ITGAV: variants seen among roughly 807,000 people sequenced by gnomAD.
ITGAV encodes the protein integrin subunit alpha V, also known as integrin alpha-V.
ITGAV carries 76 observed loss-of-function variants against 143.8 expected under a neutral mutation model. The observed-to-expected ratio is 0.53, with a 90% CI of 0.44 to 0.64. ITGAV has a LOEUF of 0.64. ITGAV is among the 30% of genes least tolerant of loss of function. The pLI, the probability that ITGAV is intolerant of heterozygous loss-of-function variation, is 0.00. For missense variants in ITGAV, 1,193 were observed against 1,274.7 expected, an observed-to-expected ratio of 0.94 and a Z score of 0.98; for synonymous variants, 453 against 446.7, an observed-to-expected ratio of 1.01 and a Z score of -0.18.
chr2:186,659,343 T>G (rs1319036837), intron 18 of ITGAV, among the ~76,000 whole-genome samples, 168 bp downstream of exon 18: 2 of 152,030 alleles, frequency 1.3e-5, no homozygotes, highest in African/African-American at 4.8e-5. Context: ...GTTTTTATTT[T>G]TTTGGGAATC....
In ITGAV at chr2:186,590,371, C is replaced by G. The variant is rs755485403; in HGVS notation, c.33C>G (p.Leu11=). The G allele has an allele frequency of 1.3e-6, 2 of 1,591,538 alleles. No homozygotes were observed. Among genetic ancestry groups the G allele is most frequent in the Non-Finnish European group, 8.5e-7 (1 of 1,170,882 alleles). ...TTCCGCCGCGGCGACGGCTGCGCCT[C>G]GGTCCCCGCGGCCTCCCGCTTCTTC... is the stretch of plus-strand genomic sequence containing the variant. The part of the protein sequence containing the change: MAFPPRRRLR[L]GPRGLPLLLS... Residue 11 remains leucine (L), a synonymous_variant, in exon 1 of 30, where the codon CTC becomes CTG. Coordinates refer to ENST00000261023, the MANE Select transcript of ITGAV (RefSeq NM_002210.5).
chr2:186,644,393 T>A (rs538647191), intron 12 of ITGAV, among the ~76,000 whole-genome samples: 1 of 152,004 alleles, frequency 6.6e-6, no homozygotes, highest in Non-Finnish European at 1.5e-5. Context: ...TGGCACGATA[T>A]CGGCTCACTG....
At chr2:186,663,349 G>A (rs1378939358) in intron 18 of ITGAV, among the ~76,000 whole-genome samples, 1 of 152,064 alleles carries the variant, frequency 6.6e-6, no homozygotes, top group African/African-American at 2.4e-5. Context: ...ATTGGTAGAG[G>A]CACAGTCCAT....
rs1211954188 is a variant in ITGAV, at chr2:186,680,728, C to T, written c.*3436C>T. ...ATCAAATTAATTTGCTACCTAATAACATAGAAAGTAAATATCTTTGTGGTC... is the reference window on the plus strand; with the variant it reads ...ATCAAATTAATTTGCTACCTAATAATATAGAAAGTAAATATCTTTGTGGTC... On this transcript the variant is annotated 3_prime_UTR_variant, in exon 30 of 30. Coordinates refer to ENST00000261023, the MANE Select transcript of ITGAV (RefSeq NM_002210.5). 2 of 152,550 alleles carry T rather than the reference C, an allele frequency of 1.3e-5. No homozygotes were observed. Among genetic ancestry groups the T allele is most frequent in the Admixed American group, 1.3e-4 (2 of 15,268 alleles). 9.4% of individuals were successfully genotyped at this position (152,550 alleles called of 1,614,324 possible). A position where few individuals can be genotyped will look rare whatever the true frequency, so the allele number is the denominator to read the frequency against.
intron 24 of ITGAV, 176 bp from the exon 25 acceptor site, chr2:186,668,586 A>T (rs1688978651): frequency 3.4e-6 from 2 of 583,904 alleles, no homozygotes; most frequent in African/African-American, 3.8e-5. Flanking sequence ...TTAGAGACAA[A>T]TGTTGAGTTT....
At chr2:186,667,842 T>A in intron 24 of ITGAV, 66 bp downstream of exon 24, 1 of 911,006 alleles carries the variant, frequency 1.1e-6, no homozygotes, top group Non-Finnish European at 1.6e-6. Flanking sequence ...ACAACTAAGC[T>A]ACTTTAAAAA....
At chr2:186,663,340 T>C (rs527329250) in intron 18 of ITGAV, among the ~76,000 whole-genome samples, 1 of 152,280 alleles carries the variant, frequency 6.6e-6, no homozygotes, top group South Asian at 2.1e-4. Flanking sequence ...TTTCCTGATA[T>C]TGGTAGAGGC....
intron 13 of ITGAV, among the ~76,000 whole-genome samples, chr2:186,649,014 G>GTA (rs1472067548): frequency 2.2e-5 from 1 of 44,588 alleles, no homozygotes; most frequent in Non-Finnish European, 4.3e-5. Context: ...ACATTTGTGT[G>GTA]TATATATATA....
At chr2:186,608,422 A>C (rs769689591) in intron 2 of ITGAV, among the ~76,000 whole-genome samples, 5 of 152,200 alleles carry the variant, frequency 3.3e-5, no homozygotes, top group African/African-American at 7.2e-5. Flanking sequence ...AAAAAGAACA[A>C]ACCTCAGCTA....
chr2:186,637,933 G>C (rs1687992406), intron 8 of ITGAV, among the ~76,000 whole-genome samples: 2 of 151,970 alleles, frequency 1.3e-5, no homozygotes, highest in Non-Finnish European at 2.9e-5. Context: ...CCCCACTTCA[G>C]TTTGCTCTGT....
At chr2:186,636,911 T>C (rs1425783183) in intron 7 of ITGAV, among the ~76,000 whole-genome samples, 154 bp from the exon 8 acceptor site, 2 of 152,224 alleles carry the variant, frequency 1.3e-5, no homozygotes, top group Non-Finnish European at 2.9e-5. Flanking sequence ...AAAATTCATA[T>C]GTCATATATA....
intron 13 of ITGAV, among the ~76,000 whole-genome samples, chr2:186,649,438 A>C (rs891039691): frequency 2.0e-5 from 3 of 152,064 alleles, no homozygotes; most frequent in African/African-American, 7.2e-5. Context: ...GCTATCTGCT[A>C]TAGTATTTTA....
At chr2:186,642,005 A>G (rs991718760) in intron 12 of ITGAV, among the ~76,000 whole-genome samples, 1 of 152,152 alleles carries the variant, frequency 6.6e-6, no homozygotes, top group African/African-American at 2.4e-5. Flanking sequence ...CATACCTCAA[A>G]GGTATGATTT....
At chr2:186,606,455 A>G (rs1164188050) in intron 2 of ITGAV, among the ~76,000 whole-genome samples, 1 of 152,164 alleles carries the variant, frequency 6.6e-6, no homozygotes, top group African/African-American at 2.4e-5. Context: ...ATATAGGTGA[A>G]GACTTCTAAA....
chr2:186,592,723 T>C (rs1686647966), intron 1 of ITGAV, among the ~76,000 whole-genome samples: 1 of 152,174 alleles, frequency 6.6e-6, no homozygotes, highest in Admixed American at 6.5e-5. Context: ...ACTTCACTCA[T>C]AGACCTTTAA....
Position 186,590,271 on chromosome 2 carries a change from G to A in ITGAV, c.-68G>A. 5 of 1,318,728 alleles carry A rather than the reference G, an allele frequency of 3.8e-6. No individual in the cohort carries two copies. The highest frequency in any genetic ancestry group is 4.9e-6 in the Non-Finnish European group (5 of 1,023,124). The allele number at this position is 1,318,728 out of a possible 1,614,324, so 81.7% of individuals were successfully genotyped here. A position where few individuals can be genotyped will look rare whatever the true frequency, so the allele number is the denominator to read the frequency against. ...GCGCAGGCGGCGGGCCGCGGGCACT[G>A]GGCGCCTCGCTGGGGCGGGGGGAGG... is the stretch of plus-strand genomic sequence containing the variant. On this transcript the variant is annotated 5_prime_UTR_variant, in exon 1 of 30. Coordinates refer to ENST00000261023, the MANE Select transcript of ITGAV (RefSeq NM_002210.5).
At chr2:186,642,535 C>CTTTTTTTTTTTTTTTTTTTTTT (rs35034170) in intron 12 of ITGAV, among the ~76,000 whole-genome samples, 1 of 113,194 alleles carries the variant, frequency 8.8e-6, no homozygotes, top group African/African-American at 3.4e-5. Flanking sequence ...TCTTTTTTTT[C>CTTTTTTTTTTTTTTTTTTTTTT]TTTTTTTTTT....
rs985455032 is a variant in ITGAV at position 186,635,615 on chromosome 2, T to C, written c.632-467T>C. Among the ~76,000 whole-genome samples, 4 of 152,356 alleles carry C rather than the reference T, an allele frequency of 2.6e-5. No homozygotes were observed. The South Asian group carries it at 8.3e-4, about 32-fold the overall frequency. On this transcript the variant is annotated intron_variant, in intron 6 of 29. Transcript: ENST00000261023. ...TGTGTAGTCATCTAGATTTCTTGTC[T>C]GCTTAATAACAAGGTTGTGAACAAA...
intron 2 of ITGAV, among the ~76,000 whole-genome samples, chr2:186,602,702 C>A (rs539595354): frequency 8.6e-4 from 131 of 152,150 alleles, no homozygotes; most frequent in Non-Finnish European, 1.7e-3. Flanking sequence ...CATGGTGAAA[C>A]CCCATCTCTA....
Sources: allele counts gnomAD v4.1 joint callset (sites outside exome capture counted in the v4.1 genomes callset), GRCh38; gene constraint gnomAD v4.1.1; transcripts MANE v1.5; gene names NCBI Gene and HGNC (gene_info 2026-07-23, HGNC 2026-07-21).